PALLD: variants seen among roughly 807,000 people sequenced by gnomAD.
PALLD encodes palladin, cytoskeletal associated protein, also known as palladin.
In PALLD, 61 loss-of-function variants were observed where a neutral mutation model predicts 123.5. The observed-to-expected ratio is 0.49, with a 90% CI of 0.40 to 0.61. The LOEUF (loss-of-function observed/expected upper bound fraction) is 0.61. Ranked by LOEUF, PALLD falls within the 20% of genes least tolerant of loss-of-function variation. PALLD has a pLI of 0.00. For missense variants in PALLD, 1,273 were observed against 1,377.0 expected (o/e 0.92, Z 1.20); for synonymous variants, 465 against 496.4 (o/e 0.94, Z 0.84).
intron 10 of PALLD, among the ~76,000 whole-genome samples, chr4:168,763,687 G>T (rs890602375): frequency 6.6e-6 from 1 of 152,158 alleles, no homozygotes; most frequent in African/African-American, 2.4e-5. Context: ...GAACCTCAGG[G>T]CTGCTCTGGG....
At chr4:168,515,147 T>A (rs1033009456) in intron 2 of PALLD, among the ~76,000 whole-genome samples, 1 of 152,194 alleles carries the variant, frequency 6.6e-6, no homozygotes, top group African/African-American at 2.4e-5. Context: ...TAGATGCTCA[T>A]TGGATTTTTT....
chr4:168,806,427 A>G (rs1740208972), intron 10 of PALLD, among the ~76,000 whole-genome samples: 1 of 152,074 alleles, frequency 6.6e-6, no homozygotes, highest in Admixed American at 6.6e-5. Context: ...CTCCAACTCC[A>G]CCAAGGTAAG....
chr4:168,816,777 CAG>C (rs1310784769), intron 10 of PALLD, among the ~76,000 whole-genome samples: 4 of 149,210 alleles, frequency 2.7e-5, no homozygotes, highest in Non-Finnish European at 5.9e-5. Context: ...TAGTGAGCTA[CAG>C]AGAAGGCTGA....
intron 2 of PALLD, among the ~76,000 whole-genome samples, chr4:168,570,857 T>C (rs1002923419): frequency 6.6e-6 from 1 of 152,172 alleles, no homozygotes; most frequent in Non-Finnish European, 1.5e-5. Context: ...GATCAGTTCT[T>C]ATCCTCCAAC....
chr4:168,806,608 T>G (rs1740238155), intron 10 of PALLD, among the ~76,000 whole-genome samples: 1 of 152,190 alleles, frequency 6.6e-6, no homozygotes, highest in Non-Finnish European at 1.5e-5. Context: ...GAGAACAGAC[T>G]AATACATTTG....
rs746599370 is a variant in PALLD at position 168,925,087 on chromosome 4, C to G, written c.3358+9C>G. ...CAGGCTGGACGTTTACAGTGAGTGCCACTTCATCTCATTTCATTGCGTTTA... is the reference window on the plus strand; with the variant it reads ...CAGGCTGGACGTTTACAGTGAGTGCGACTTCATCTCATTTCATTGCGTTTA... On this transcript the variant is annotated intron_variant, in intron 20 of 21. Transcript: ENST00000505667. 6.8e-6 allele frequency: 11 copies of G among 1,613,630 alleles called. No homozygotes were observed. In the African/African-American group the frequency reaches 1.1e-4, roughly 16 times the overall value.
intron 10 of PALLD, among the ~76,000 whole-genome samples, chr4:168,789,156 A>G (rs528106392): frequency 6.6e-6 from 1 of 152,238 alleles, no homozygotes; most frequent in African/African-American, 2.4e-5. Context: ...TTAAAATTTC[A>G]TTTTTGACAC....
At chr4:168,831,226 C>T (rs186710684) in intron 10 of PALLD, among the ~76,000 whole-genome samples, 4 of 152,316 alleles carry the variant, frequency 2.6e-5, no homozygotes, top group South Asian at 4.1e-4. Flanking sequence ...ACAAATTTTG[C>T]ATAGAATATT....
intron 17 of PALLD, among the ~76,000 whole-genome samples, chr4:168,918,634 T>C (rs1233241744): frequency 2.0e-5 from 3 of 152,138 alleles, no homozygotes; most frequent in Non-Finnish European, 4.4e-5. Flanking sequence ...CTATAGTTAA[T>C]AACGATGTAC....
At chr4:168,704,682 A>G (rs993626915) in intron 8 of PALLD, among the ~76,000 whole-genome samples, 11 of 149,124 alleles carry the variant, frequency 7.4e-5, no homozygotes, top group African/African-American at 2.3e-4. Flanking sequence ...AAAAAAAAAA[A>G]AAAATGTGTA....
intron 10 of PALLD, among the ~76,000 whole-genome samples, chr4:168,859,462 T>C (rs1273925359): frequency 6.6e-6 from 1 of 152,244 alleles, no homozygotes; most frequent in African/African-American, 2.4e-5. Flanking sequence ...TGTGTGGATG[T>C]CTTAGAAGAG....
intron 12 of PALLD, 64 bp downstream of exon 12, chr4:168,894,741 A>T: frequency 6.4e-7 from 1 of 1,573,878 alleles, no homozygotes; most frequent in South Asian, 1.2e-5. Flanking sequence ...CATCTTCCTT[A>T]TGGATACTGT....
At chr4:168,819,163 A>G (rs983591949) in intron 10 of PALLD, among the ~76,000 whole-genome samples, 1 of 152,226 alleles carries the variant, frequency 6.6e-6, no homozygotes, top group East Asian at 1.9e-4. Flanking sequence ...AGACTTTGCC[A>G]TTTACAGAAC....
intron 10 of PALLD, chr4:168,832,106 G>A (rs1744312031): frequency 3.0e-6 from 3 of 985,328 alleles, no homozygotes; most frequent in South Asian, 4.7e-5. Context: ...CGCGGAGCCC[G>A]CTGCAGCTCC....
At chr4:168,710,862 C>T (rs963236075) in intron 9 of PALLD, among the ~76,000 whole-genome samples, 3 of 152,174 alleles carry the variant, frequency 2.0e-5, no homozygotes, top group Non-Finnish European at 4.4e-5. Flanking sequence ...TTTGTTTCTG[C>T]AGTAAATCTG....
chr4:168,671,186 C>T (rs186897536), intron 3 of PALLD, among the ~76,000 whole-genome samples: 43 of 152,046 alleles, frequency 2.8e-4, no homozygotes, highest in Middle Eastern at 3.4e-3. Context: ...CTCTTGAAAC[C>T]AGCTGCAGAA....
chr4:168,757,995 T>C lies in PALLD; in HGVS notation c.1964+46072T>C, dbSNP rs185059700. On this transcript the variant is annotated intron_variant, in intron 10 of 21. Transcript: ENST00000505667. The stretch of plus-strand genomic sequence containing the variant: ...CTGAGGCAGGAGAGTCGCCTGAACC[T>C]GGGAGCTGGAGGTTGCAGCAAGCTG... 4.5e-3 allele frequency among the ~76,000 whole-genome samples: 679 copies of C among 152,276 alleles called. 2 individuals carry two copies. The highest frequency in any genetic ancestry group is 0.015 in the African/African-American group (616 of 41,566).
chr4:168,547,566 C>CA (rs11339394), intron 2 of PALLD, among the ~76,000 whole-genome samples: 2,835 of 70,910 alleles, frequency 0.04, 90 homozygotes, highest in African/African-American at 0.088. Flanking sequence ...TAATAAAATA[C>CA]AAAAAAAAAA....
At chr4:168,591,808 T>C (rs144874205) in intron 2 of PALLD, among the ~76,000 whole-genome samples, 1,574 of 152,288 alleles carry the variant, frequency 0.01, 80 homozygotes, top group Admixed American at 0.087. Flanking sequence ...TTTATGTTAA[T>C]GACTGAATTT....
Sources: allele counts gnomAD v4.1 joint callset (sites outside exome capture counted in the v4.1 genomes callset), GRCh38; gene constraint gnomAD v4.1.1; transcripts MANE v1.5; gene names NCBI Gene and HGNC (gene_info 2026-07-23, HGNC 2026-07-21).